Variants in RUNX3 observed in about 807,000 individuals in gnomAD.
RUNX3 encodes the protein RUNX family transcription factor 3.
In RUNX3, 10 loss-of-function variants were observed where a neutral mutation model predicts 27.7. The observed-to-expected ratio is 0.36, with a 90% confidence interval of 0.22 to 0.61. The LOEUF (loss-of-function observed/expected upper bound fraction) is 0.61. Among genes scored for constraint, RUNX3 ranks in the 20% least tolerant of loss-of-function variants. The pLI, the probability that RUNX3 is intolerant of heterozygous loss-of-function variation, is 0.72. For missense variants in RUNX3, 469 were observed against 629.5 expected (o/e 0.75, Z 2.73); for synonymous variants, 270 against 269.2 (o/e 1.00, Z -0.03).
At chr1:24,952,611 C>G (rs1203555187) in intron 2 of RUNX3, among the ~76,000 whole-genome samples, 1 of 152,172 alleles carries the variant, frequency 6.6e-6, no homozygotes, top group Non-Finnish European at 1.5e-5. Flanking sequence ...AACACCCTCT[C>G]GCAGGGATGA....
At chr1:24,945,548 G>C (rs1641585698) in intron 2 of RUNX3, among the ~76,000 whole-genome samples, 1 of 152,176 alleles carries the variant, frequency 6.6e-6, no homozygotes, top group Admixed American at 6.5e-5. Context: ...AACCCAATGA[G>C]GTGGTTAGCC....
chr1:24,942,623 C>T (rs1641505190), intron 2 of RUNX3, among the ~76,000 whole-genome samples: 1 of 152,148 alleles, frequency 6.6e-6, no homozygotes, highest in African/African-American at 2.4e-5. Flanking sequence ...GTGGAACTGG[C>T]TTTACCCACC....
rs1234004869 is a variant in RUNX3, at chr1:24,923,094, G to A, written c.440-3750C>T. On this transcript the variant is annotated intron_variant, in intron 2 of 4. Coordinates refer to ENST00000308873, the MANE Select transcript of RUNX3 (RefSeq NM_004350.3). The surrounding 1 kb of genome is among the most constrained non-coding windows in gnomAD (Gnocchi z 5.9). Reference sequence around the variant, plus strand: ...TCCCATTTTGCACACAGGTACTAACGTCCCGCTCCTGAGAAGTGAGAAGCC... The same window carrying A: ...TCCCATTTTGCACACAGGTACTAACATCCCGCTCCTGAGAAGTGAGAAGCC... Among the ~76,000 whole-genome samples, 1 of 152,098 alleles carries A rather than the reference G, an allele frequency of 6.6e-6. No homozygotes were observed. The highest frequency in any genetic ancestry group is 1.5e-5 in the Non-Finnish European group (1 of 68,030).
Position 24,904,425 on chromosome 1 carries a change from G to A in RUNX3, c.704-1759C>T, listed in dbSNP as rs932902230. On this transcript the variant is annotated intron_variant, in intron 4 of 4. Transcript: ENST00000308873. This position sits in a 1 kb window ranked among gnomAD's most constrained non-coding sequence, Gnocchi z 5.7. ...ATGTGGGGACAGCAGTCTGGGTGGC[G>A]GGGGCCTTCTGGGACATCTGGGATG... is the stretch of plus-strand genomic sequence containing the variant. 9.2e-5 allele frequency among the ~76,000 whole-genome samples: 14 copies of A among 152,302 alleles called. No individual in the cohort carries two copies. Among genetic ancestry groups the A allele is most frequent in the Admixed American group, 3.3e-4 (5 of 15,304 alleles).
At position 24,960,012 on chromosome 1, in the gene RUNX3, C is replaced by A. The variant is rs377149189; in HGVS notation, c.58+4502G>T. ...TTTGTTACCTCTTTACCCTTAGGGA[C>A]CCAGTTTCCAAGTCACTCCTCCAGA... On this transcript the variant is annotated intron_variant, in intron 2 of 6. Transcript: ENST00000338888. Among the ~76,000 whole-genome samples, 16 of 152,322 alleles carry A rather than the reference C, an allele frequency of 1.1e-4. No individual in the cohort carries two copies. The South Asian group carries it at 1.7e-3, about 16-fold the overall frequency.
intron 2 of RUNX3, among the ~76,000 whole-genome samples, chr1:24,956,199 TC>T (rs1238012372): frequency 1.3e-5 from 2 of 152,334 alleles, no homozygotes; most frequent in Admixed American, 6.5e-5. Context: ...AGCAGGCCGT[TC>T]CCAGGCTGGA....
chr1:24,928,733 C>T (rs1230403198), intron 1 of RUNX3: 1 of 212,352 alleles, frequency 4.7e-6, no homozygotes, highest in East Asian at 1.6e-4. Context: ...TAAGATGTCA[C>T]CCGGGAGACC....
chr1:24,902,696 C>T lies in RUNX3; in HGVS notation c.704-30G>A. On this transcript the variant is annotated intron_variant, in intron 4 of 4. Transcript: ENST00000308873. The surrounding 1 kb of genome is among the most constrained non-coding windows in gnomAD (Gnocchi z 9.2). ...AGGACAGCAGGGAAGAGGTCAGTTCCAGCTCGAGACAACCCCAGGAGGGCT... is the reference window on the plus strand; with the variant it reads ...AGGACAGCAGGGAAGAGGTCAGTTCTAGCTCGAGACAACCCCAGGAGGGCT... The T allele has an allele frequency of 6.7e-7, 1 of 1,495,750 alleles. No homozygotes were observed. 92.7% of individuals were successfully genotyped at this position (1,495,750 alleles called of 1,614,324 possible).
At chr1:24,947,769 C>T (rs1641647809) in intron 2 of RUNX3, among the ~76,000 whole-genome samples, 1 of 152,228 alleles carries the variant, frequency 6.6e-6, no homozygotes, top group South Asian at 2.1e-4. Flanking sequence ...TCCCTGAATC[C>T]TTCTGGAGCT....
chr1:24,954,973 G>T (rs1425306387), intron 2 of RUNX3, among the ~76,000 whole-genome samples: 1 of 152,088 alleles, frequency 6.6e-6, no homozygotes, highest in African/African-American at 2.4e-5. Flanking sequence ...CCAACCCCAG[G>T]CCTGGCCCAC....
chr1:24,957,235 C>T (rs549256834), intron 2 of RUNX3, among the ~76,000 whole-genome samples: 2 of 152,324 alleles, frequency 1.3e-5, no homozygotes, highest in Non-Finnish European at 2.9e-5. Context: ...CTCAGGCTCG[C>T]GCCAACAAGT....
At chr1:24,957,861 G>C (rs934803896) in intron 2 of RUNX3, among the ~76,000 whole-genome samples, 1 of 152,240 alleles carries the variant, frequency 6.6e-6, no homozygotes, top group Non-Finnish European at 1.5e-5. Context: ...GCGAGGAAGT[G>C]GCAGAGCCTG....
In RUNX3 at chr1:24,923,302, G is replaced by A. The variant is rs1641035996; in HGVS notation, c.440-3958C>T. ...CTGGACCTCGGGAGACAGGGAGCCT[G>A]GGGAGCAGGGGTGGGAGAAAGCTGT... On this transcript the variant is annotated intron_variant, in intron 2 of 4. Coordinates refer to ENST00000308873, the MANE Select transcript of RUNX3 (RefSeq NM_004350.3). This position sits in a 1 kb window ranked among gnomAD's most constrained non-coding sequence, Gnocchi z 5.9. Among the ~76,000 whole-genome samples the A allele has an allele frequency of 2.0e-5, 3 of 152,216 alleles. No homozygotes were observed. The South Asian group carries it at 6.2e-4, about 32-fold the overall frequency.
intron 2 of RUNX3, among the ~76,000 whole-genome samples, chr1:24,953,753 C>A (rs1363656247): frequency 6.6e-6 from 1 of 152,192 alleles, no homozygotes; most frequent in African/African-American, 2.4e-5. Context: ...TTAGGGCCAA[C>A]ATGGTACTCA....
intron 2 of RUNX3, among the ~76,000 whole-genome samples, chr1:24,939,710 C>G (rs962428320): frequency 2.6e-5 from 4 of 152,240 alleles, no homozygotes; most frequent in South Asian, 2.1e-4. Context: ...GGCTTCCAAA[C>G]CATTCCCCAG....
chr1:24,932,322 C>T (rs1462481127), upstream of RUNX3, among the ~76,000 whole-genome samples: 2 of 8,368 alleles, frequency 2.4e-4, no homozygotes, highest in African/African-American at 1.0e-3. Flanking sequence ...GGGACCAGGG[C>T]GGCGGGGGGA....
At chr1:24,930,557 G>T (rs917689417), upstream of RUNX3, among the ~76,000 whole-genome samples, 2 of 152,000 alleles carry the variant, frequency 1.3e-5, no homozygotes, top group Non-Finnish European at 2.9e-5. The surrounding 1 kb of genome is among the most constrained non-coding windows in gnomAD (Gnocchi z 4.1). Flanking sequence ...CCCACGGAAG[G>T]CGCCCTTGCC....
At chr1:24,942,789 G>A (rs1421241790) in intron 2 of RUNX3, among the ~76,000 whole-genome samples, 1 of 152,192 alleles carries the variant, frequency 6.6e-6, no homozygotes, top group Non-Finnish European at 1.5e-5. Context: ...GGCTAGAGTG[G>A]GGAGGGTCAG....
chr1:24,941,798 A>G (rs12725096), intron 2 of RUNX3, among the ~76,000 whole-genome samples: 1 of 152,174 alleles, frequency 6.6e-6, no homozygotes, highest in African/African-American at 2.4e-5. Flanking sequence ...TTACAGGGTC[A>G]TGGCTGCTGG....
Sources: allele counts gnomAD v4.1 joint callset (sites outside exome capture counted in the v4.1 genomes callset), GRCh38; gene constraint gnomAD v4.1.1; non-coding constraint Gnocchi (gnomAD v3.1); transcripts MANE v1.5; gene names NCBI Gene and HGNC (gene_info 2026-07-23, HGNC 2026-07-21).